Variants in SNAP91 observed in about 807,000 individuals in gnomAD.
The protein encoded by SNAP91 is synaptosome associated protein 91.
SNAP91 carries 27 observed loss-of-function variants against 100.3 expected under a neutral mutation model. The ratio of observed to expected loss-of-function variants is 0.27; its 90% CI spans 0.20 to 0.37. The LOEUF (loss-of-function observed/expected upper bound fraction) is 0.37. SNAP91 is among the 10% of genes least tolerant of loss of function. The pLI, the probability that SNAP91 is intolerant of heterozygous loss-of-function variation, is 1.00. For missense variants in SNAP91, 986 were observed against 1,123.7 expected (o/e 0.88, Z 1.75); for synonymous variants, 404 against 398.6 (o/e 1.01, Z -0.16).
Position 83,601,609 on chromosome 6 carries a change from T to G in SNAP91, c.1142-10A>C. 2.5e-6 allele frequency: 4 copies of G among 1,613,202 alleles called. No individual in the cohort carries two copies. The highest frequency in any genetic ancestry group is 3.4e-6 in the Non-Finnish European group (4 of 1,179,244). ...CCCTCTCCCAAAAGGTCTACCGATG[T>G]CCATTACATGGCAGCATAAGAATAA... On this transcript the variant is annotated splice_polypyrimidine_tract_variant and intron_variant, in intron 14 of 29. Coordinates refer to ENST00000369694, the MANE Select transcript of SNAP91 (RefSeq NM_001242792.2).
intron 5 of SNAP91, among the ~76,000 whole-genome samples, chr6:83,659,432 T>TC (rs1406504653): frequency 6.7e-6 from 1 of 149,872 alleles, no homozygotes; most frequent in Non-Finnish European, 1.5e-5. Context: ...CTTCTTTTTT[T>TC]TTTTTTTTTT....
intron 24 of SNAP91, among the ~76,000 whole-genome samples, chr6:83,577,129 A>G (rs1481318979): frequency 6.6e-6 from 1 of 152,134 alleles, no homozygotes; most frequent in Non-Finnish European, 1.5e-5. Context: ...GTGCTTGGGG[A>G]AGGATTCATA....
At chr6:83,677,460 T>G (rs2098926357) in intron 2 of SNAP91, among the ~76,000 whole-genome samples, 1 of 152,140 alleles carries the variant, frequency 6.6e-6, no homozygotes, top group South Asian at 2.1e-4. Flanking sequence ...TTTCCAACCA[T>G]GTGCATGAGT....
intron 2 of SNAP91, among the ~76,000 whole-genome samples, chr6:83,704,588 T>C (rs1392899371): frequency 6.6e-6 from 1 of 152,098 alleles, no homozygotes; most frequent in African/African-American, 2.4e-5. Context: ...AATAATTTTC[T>C]TGGCCTATCA....
intron 13 of SNAP91, among the ~76,000 whole-genome samples, chr6:83,606,726 TTTTGAAGAAAGGATTCTGCTGC>T: frequency 6.6e-6 from 1 of 152,330 alleles, no homozygotes; most frequent in African/African-American, 2.4e-5. Flanking sequence ...AGTAATATTC[TTTTGAAGAAAGGATTCTGCTGC>T]TTTTTAAAAA....
At chr6:83,624,448 T>A (rs577663480) in intron 8 of SNAP91, among the ~76,000 whole-genome samples, 1 of 152,200 alleles carries the variant, frequency 6.6e-6, no homozygotes, top group East Asian at 1.9e-4. Context: ...AATGTAGAAG[T>A]AAACACATGA....
intron 2 of SNAP91, among the ~76,000 whole-genome samples, chr6:83,683,168 C>T (rs1159836095): frequency 6.6e-6 from 1 of 152,056 alleles, no homozygotes; most frequent in African/African-American, 2.4e-5. Context: ...TCTGTCTTTC[C>T]TTCTCAGCCT....
chr6:83,630,911 G>A (rs1208566907), intron 8 of SNAP91, among the ~76,000 whole-genome samples: 1 of 151,738 alleles, frequency 6.6e-6, no homozygotes, highest in Non-Finnish European at 1.5e-5. Flanking sequence ...TGTTTCTCTT[G>A]ATCCTTGAGG....
In SNAP91 at chr6:83,560,190, T is replaced by C; in HGVS notation, c.2545A>G (p.Met849Val). ...GFGMPPAGTGMPMMPQQPVMF... is the reference protein window; with the variant it reads ...GFGMPPAGTGVPMMPQQPVMF... ...ACCGGCTGCTGAGGCATCATGGGCA[T>C]GCCTGTCCCAGCAGGAGGCTGAGGA... Residue 849 changes from methionine (M) to valine (V), a missense_variant, in exon 28 of 30, where the codon ATG becomes GTG. Physicochemically the swap from Met to Val is conservative, Grantham distance 21. Coordinates refer to ENST00000369694, the MANE Select transcript of SNAP91 (RefSeq NM_001242792.2). 2.5e-6 allele frequency: 4 copies of C among 1,613,882 alleles called. No homozygotes were observed. The highest frequency in any genetic ancestry group is 3.4e-6 in the Non-Finnish European group (4 of 1,179,848).
rs537691670 is a variant in SNAP91 at position 83,582,409 on chromosome 6, G to C, written c.2015-53C>G. On this transcript the variant is annotated intron_variant, in intron 22 of 29. Transcript: ENST00000369694. Reference sequence around the variant, plus strand: ...AGAAATAACATAAAGGTGGGTAAAGGCCATAAAAACTGAATTTAAAAAGTT... The same window carrying C: ...AGAAATAACATAAAGGTGGGTAAAGCCCATAAAAACTGAATTTAAAAAGTT... 1.7e-3 allele frequency: 2,542 copies of C among 1,539,800 alleles called. 5 individuals carry two copies. The highest frequency in any genetic ancestry group is 4.0e-3 in the Middle Eastern group (23 of 5,778).
rs1338756615 is a variant in SNAP91, at chr6:83,601,342, G to A, written c.1253C>T (p.Ala418Val). 1 of 1,613,598 alleles carries A rather than the reference G, an allele frequency of 6.2e-7. No homozygotes were observed. Among genetic ancestry groups the A allele is most frequent in the South Asian group, 1.1e-5 (1 of 91,038 alleles). ...AGTGGAGGCAGAAGCTGAGGCAGTT[G>A]CAATTTCAGCAGTTGTAGTAGGAGG... Reference protein sequence around the residue: ...PTPPTTTAEIATASASASTTT... With the variant: ...PTPPTTTAEIVTASASASTTT... Residue 418 changes from alanine to valine, a missense_variant, in exon 16 of 30, where the codon GCA becomes GTA. Coordinates refer to ENST00000369694, the MANE Select transcript of SNAP91 (RefSeq NM_001242792.2).
chr6:83,626,982 G>C (rs757360811), intron 8 of SNAP91, among the ~76,000 whole-genome samples: 1 of 152,046 alleles, frequency 6.6e-6, no homozygotes, highest in Non-Finnish European at 1.5e-5. Context: ...TGTGATGTTG[G>C]CTGTGGGTTT....
chr6:83,629,323 T>TA (rs1320271710), intron 8 of SNAP91, among the ~76,000 whole-genome samples: 2 of 152,172 alleles, frequency 1.3e-5, no homozygotes, highest in African/African-American at 4.8e-5. Flanking sequence ...TCTTTTTGCT[T>TA]AGTCTTGCTT....
At chr6:83,566,634 C>T (rs1222494729) in intron 26 of SNAP91, among the ~76,000 whole-genome samples, 1 of 152,170 alleles carries the variant, frequency 6.6e-6, no homozygotes, top group Admixed American at 6.5e-5. Context: ...TTAACTCTTA[C>T]ATTCAGTGGT....
At position 83,593,466 on chromosome 6, in the gene SNAP91, A is replaced by C; in HGVS notation, c.1696+12T>G. On this transcript the variant is annotated intron_variant, in intron 18 of 29. Coordinates refer to ENST00000369694, the MANE Select transcript of SNAP91 (RefSeq NM_001242792.2). ...AGACGGAAAGAGGTCGACAACAATAACAAAAAATTACCACCAAAGATATCT... is the reference window on the plus strand; with the variant it reads ...AGACGGAAAGAGGTCGACAACAATACCAAAAAATTACCACCAAAGATATCT... 1 of 1,548,932 alleles carries C rather than the reference A, an allele frequency of 6.5e-7. No individual in the cohort carries two copies. Among genetic ancestry groups the C allele is most frequent in the Non-Finnish European group, 8.7e-7 (1 of 1,144,626 alleles).
chr6:83,583,725 CAAT>C (rs1162573336), intron 22 of SNAP91, among the ~76,000 whole-genome samples: 1 of 152,096 alleles, frequency 6.6e-6, no homozygotes, highest in African/African-American at 2.4e-5. Context: ...CTTGCAAAAA[CAAT>C]GTTTCAAAAA....
chr6:83,566,418 A>G (rs1029949677), intron 26 of SNAP91, among the ~76,000 whole-genome samples: 2 of 152,224 alleles, frequency 1.3e-5, no homozygotes, highest in African/African-American at 2.4e-5. Flanking sequence ...TATATTTCAT[A>G]TTAATGCTTT....
At chr6:83,708,058 C>T in intron 1 of SNAP91, 101 bp from the exon 2 acceptor site, 1 of 1,044,044 alleles carries the variant, frequency 9.6e-7, no homozygotes, top group Non-Finnish European at 1.3e-6. Context: ...CTCTCTCCTC[C>T]TCCATCCCCA....
chr6:83,684,563 A>T (rs975130463), intron 2 of SNAP91, among the ~76,000 whole-genome samples: 1 of 152,148 alleles, frequency 6.6e-6, no homozygotes. Context: ...CACACTCTGT[A>T]TACACCTTTA....
Sources: gnomAD v4.1 joint callset for allele counts (sites outside exome capture counted in the v4.1 genomes callset) on GRCh38, gnomAD v4.1.1 for gene constraint, MANE v1.5 for transcripts, NCBI Gene and HGNC (gene_info 2026-07-23, HGNC 2026-07-21) for gene names.